EIPR1: variants seen among roughly 807,000 people sequenced by gnomAD.
The protein encoded by EIPR1 is EARP and GARP complex-interacting protein 1.
EIPR1 carries 25 observed loss-of-function variants against 48.1 expected under a neutral mutation model. The observed-to-expected ratio is 0.52, with a 90% CI of 0.38 to 0.73. The LOEUF is 0.73. Among genes scored for constraint, EIPR1 ranks in the 30% least tolerant of loss-of-function variants. The probability of loss-of-function intolerance (pLI) is 0.00; values close to 1 mark genes in which losing one functional copy is unlikely to be tolerated. For synonymous variants in EIPR1, 204 were observed against 201.9 expected, an observed-to-expected ratio of 1.01 and a Z score of -0.09; for missense variants, 415 against 506.2, an observed-to-expected ratio of 0.82 and a Z score of 1.73.
At chr2:3,242,745 C>T (rs976498697) in intron 4 of EIPR1, among the ~76,000 whole-genome samples, 12 of 152,182 alleles carry the variant, frequency 7.9e-5, no homozygotes, top group Non-Finnish European at 1.5e-4. Context: ...CATTGCTTAC[C>T]AGTTGAACTT....
intron 5 of EIPR1, among the ~76,000 whole-genome samples, chr2:3,198,216 CA>C (rs572259645): frequency 1.3e-3 from 202 of 152,332 alleles, no homozygotes; most frequent in African/African-American, 4.7e-3. Flanking sequence ...GCACTGGCTG[CA>C]GATGCTCCTG....
intron 3 of EIPR1, among the ~76,000 whole-genome samples, chr2:3,295,969 CTCTG>C (rs1384098736): frequency 7.5e-6 from 1 of 134,048 alleles, no homozygotes; most frequent in African/African-American, 2.8e-5. Context: ...CCCATCCTCT[CTCTG>C]CACACACACC....
chr2:3,333,280 T>C (rs952162587), intron 3 of EIPR1, among the ~76,000 whole-genome samples: 5 of 152,260 alleles, frequency 3.3e-5, no homozygotes, highest in Non-Finnish European at 5.9e-5. Flanking sequence ...AGAGATTCAG[T>C]GTGGCACAAT....
At chr2:3,331,218 A>C in intron 3 of EIPR1, among the ~76,000 whole-genome samples, 1 of 106,014 alleles carries the variant, frequency 9.4e-6, no homozygotes, top group African/African-American at 4.6e-5. Flanking sequence ...GTGTGTATAC[A>C]CTCATGAGAT....
chr2:3,267,474 T>C (rs1253461493), intron 3 of EIPR1, among the ~76,000 whole-genome samples: 1 of 152,262 alleles, frequency 6.6e-6, no homozygotes, highest in Admixed American at 6.5e-5. Flanking sequence ...TGCATGATCA[T>C]AAACTTAATC....
At chr2:3,274,593 A>C (rs1667793239) in intron 3 of EIPR1, among the ~76,000 whole-genome samples, 1 of 152,184 alleles carries the variant, frequency 6.6e-6, no homozygotes, top group Admixed American at 6.5e-5. Context: ...ACATATTTGG[A>C]AAATAAAGAA....
At chr2:3,277,767 C>T (rs1050437062) in intron 3 of EIPR1, among the ~76,000 whole-genome samples, 6 of 152,232 alleles carry the variant, frequency 3.9e-5, no homozygotes, top group African/African-American at 7.2e-5. Context: ...TGCGCAGCCT[C>T]GGCTAGGGGC....
At chr2:3,276,814 G>A (rs992225245) in intron 3 of EIPR1, among the ~76,000 whole-genome samples, 13 of 152,170 alleles carry the variant, frequency 8.5e-5, no homozygotes, top group Non-Finnish European at 1.5e-4. Flanking sequence ...GTTTTAATAA[G>A]GAACACAACT....
At chr2:3,305,212 T>A (rs1422691519) in intron 3 of EIPR1, among the ~76,000 whole-genome samples, 21 of 86,594 alleles carry the variant, frequency 2.4e-4, no homozygotes, top group South Asian at 4.5e-4. Context: ...ACTCCCGTCC[T>A]GTTCAGCCCT....
intron 5 of EIPR1, among the ~76,000 whole-genome samples, chr2:3,198,090 CAT>C (rs985953973): frequency 3.3e-5 from 5 of 152,228 alleles, no homozygotes; most frequent in African/African-American, 7.2e-5. Context: ...GTGCCCACTG[CAT>C]AGACAGGCAG....
intron 1 of EIPR1, among the ~76,000 whole-genome samples, chr2:3,365,797 T>C (rs969698329): frequency 1.3e-5 from 2 of 150,670 alleles, no homozygotes; most frequent in Non-Finnish European, 3.0e-5. Context: ...GAGCACAGGG[T>C]TGGGGGTAAG....
intron 1 of EIPR1, among the ~76,000 whole-genome samples, chr2:3,376,489 A>T (rs2103398968): frequency 6.6e-6 from 1 of 152,312 alleles, no homozygotes; most frequent in Middle Eastern, 3.4e-3. Context: ...TCAGGAGTTC[A>T]AAACCAGCCA....
chr2:3,294,211 G>A (rs35919095), intron 3 of EIPR1, among the ~76,000 whole-genome samples: 8,890 of 152,082 alleles, frequency 0.058, 269 homozygotes, highest in Non-Finnish European at 0.063. Context: ...TAGCTGACTC[G>A]TGACCTGGCT....
At chr2:3,225,308 C>A (rs1463990901) in intron 4 of EIPR1, among the ~76,000 whole-genome samples, 1 of 150,648 alleles carries the variant, frequency 6.6e-6, no homozygotes, top group Non-Finnish European at 1.5e-5. Context: ...GGCAGTGGTG[C>A]AATCACAGCT....
intron 3 of EIPR1, among the ~76,000 whole-genome samples, chr2:3,299,186 T>C (rs1302899479): frequency 6.6e-6 from 1 of 152,248 alleles, no homozygotes; most frequent in Non-Finnish European, 1.5e-5. Context: ...TTGCTGAGAA[T>C]GTCGCTGTGT....
intron 2 of EIPR1, among the ~76,000 whole-genome samples, chr2:3,346,461 A>G (rs1445420060): frequency 6.6e-6 from 1 of 152,226 alleles, no homozygotes; most frequent in Non-Finnish European, 1.5e-5. Context: ...AATTCTTACA[A>G]AAGTTTGTGA....
At position 3,255,028 on chromosome 2, in the gene EIPR1, G is replaced by A. The variant is rs181888233; in HGVS notation, c.416+2271C>T. Reference sequence around the variant, plus strand: ...TGAATGTACAACCTCAAAATAAAAAGCTTAAGAGAAAAAAGAATATGCAAT... The same window carrying A: ...TGAATGTACAACCTCAAAATAAAAAACTTAAGAGAAAAAAGAATATGCAAT... On this transcript the variant is annotated intron_variant, in intron 4 of 8. Transcript: ENST00000382125. Among the ~76,000 whole-genome samples, 5 of 152,132 alleles carry A rather than the reference G, an allele frequency of 3.3e-5. No individual in the cohort carries two copies. In the East Asian group the frequency reaches 9.6e-4, roughly 29 times the overall value.
At chr2:3,242,430 C>T (rs1329689318) in intron 4 of EIPR1, among the ~76,000 whole-genome samples, 1 of 139,490 alleles carries the variant, frequency 7.2e-6, no homozygotes, top group Non-Finnish European at 1.6e-5. Flanking sequence ...CAGCAGCCAT[C>T]GATGGCTGGA....
intron 3 of EIPR1, among the ~76,000 whole-genome samples, chr2:3,307,811 C>T (rs1668993505): frequency 1.3e-5 from 2 of 152,176 alleles, no homozygotes; most frequent in South Asian, 4.2e-4. Flanking sequence ...CAAAACTTTA[C>T]TGTATATTTC....
Sources: gnomAD v4.1 joint callset for allele counts (sites outside exome capture counted in the v4.1 genomes callset) on GRCh38, gnomAD v4.1.1 for gene constraint, MANE v1.5 for transcripts, NCBI Gene and HGNC (gene_info 2026-07-23, HGNC 2026-07-21) for gene names.